Variants in MKX observed in about 807,000 individuals in gnomAD.
MKX encodes mohawk homeobox.
MKX carries 13 observed loss-of-function variants against 36.0 expected under a neutral mutation model. That is an observed-to-expected ratio of 0.36 (90% CI 0.24 to 0.57). MKX has a LOEUF of 0.57. MKX is among the 20% of genes least tolerant of loss of function. The probability of loss-of-function intolerance (pLI) is 0.79; values close to 1 mark genes in which losing one functional copy is unlikely to be tolerated. For synonymous variants in MKX, 176 were observed against 178.3 expected, an observed-to-expected ratio of 0.99 and a Z score of 0.10; for missense variants, 458 against 456.4, an observed-to-expected ratio of 1.00 and a Z score of -0.03.
chr10:27,727,865 C>T (rs1834525663), intron 5 of MKX, among the ~76,000 whole-genome samples: 1 of 152,178 alleles, frequency 6.6e-6, no homozygotes, highest in South Asian at 2.1e-4. Flanking sequence ...TAAAGTACCT[C>T]TCCAAAGCTG....
intron 5 of MKX, among the ~76,000 whole-genome samples, chr10:27,686,130 C>A (rs1248288467): frequency 6.6e-6 from 1 of 151,908 alleles, no homozygotes; most frequent in African/African-American, 2.4e-5. Context: ...TTATTAGAAG[C>A]CTGGATTTTG....
chr10:27,727,334 C>T (rs73604047), intron 5 of MKX, among the ~76,000 whole-genome samples: 2,437 of 152,290 alleles, frequency 0.016, 56 homozygotes, highest in African/African-American at 0.055. Context: ...GAAAGCCACC[C>T]CTGAAGGAGC....
At chr10:27,729,451 C>T (rs986965811) in intron 5 of MKX, among the ~76,000 whole-genome samples, 6 of 151,980 alleles carry the variant, frequency 3.9e-5, no homozygotes, top group Non-Finnish European at 7.4e-5. Context: ...ATCACAGGCG[C>T]GCTCCACCAT....
chr10:27,714,432 A>G (rs1422337229), intron 5 of MKX, among the ~76,000 whole-genome samples: 6 of 152,342 alleles, frequency 3.9e-5, no homozygotes, highest in Admixed American at 3.9e-4. Flanking sequence ...ACATTTTTTA[A>G]AATTAATTAT....
At position 27,687,737 on chromosome 10, in the gene MKX, G is replaced by A. The variant is rs1836384134; in HGVS notation, c.839-12183C>T. Among the ~76,000 whole-genome samples, 8 of 152,298 alleles carry A rather than the reference G, an allele frequency of 5.3e-5. No homozygotes were observed. In the South Asian group the frequency reaches 1.7e-3, roughly 32 times the overall value. On this transcript the variant is annotated intron_variant, in intron 5 of 6. Transcript: ENST00000419761. The stretch of plus-strand genomic sequence containing the variant: ...CCACTTTCCAAGATTGCTCCTCTGT[G>A]ATCTCAAAGGCTCCATCTTCCCCAA...
At chr10:27,730,813 C>G (rs1319818518) in intron 5 of MKX, among the ~76,000 whole-genome samples, 2 of 151,676 alleles carry the variant, frequency 1.3e-5, no homozygotes, top group Non-Finnish European at 2.9e-5. Flanking sequence ...GACAGCTACT[C>G]TAACAAAAAT....
At chr10:27,699,477 T>G (rs575716356) in intron 5 of MKX, among the ~76,000 whole-genome samples, 2 of 152,342 alleles carry the variant, frequency 1.3e-5, no homozygotes, top group South Asian at 2.1e-4. Flanking sequence ...CAAAGCTCCT[T>G]TCCTATGGAG....
chr10:27,691,353 T>C (rs1390984794), intron 5 of MKX, among the ~76,000 whole-genome samples: 1 of 152,144 alleles, frequency 6.6e-6, no homozygotes, highest in Non-Finnish European at 1.5e-5. Flanking sequence ...ATGAGAACTA[T>C]GGTGTGGGCC....
At chr10:27,714,333 T>TA (rs1395210404) in intron 5 of MKX, among the ~76,000 whole-genome samples, 5 of 152,206 alleles carry the variant, frequency 3.3e-5, no homozygotes, top group African/African-American at 4.8e-5. Context: ...TTTTAAAATT[T>TA]AAAAAAACCT....
chr10:27,717,137 G>A (rs1836980477), intron 5 of MKX, among the ~76,000 whole-genome samples: 1 of 152,080 alleles, frequency 6.6e-6, no homozygotes, highest in Non-Finnish European at 1.5e-5. Context: ...TAGCCACAGG[G>A]AAATGAGCTG....
intron 5 of MKX, among the ~76,000 whole-genome samples, chr10:27,689,166 G>A (rs1388194520): frequency 2.0e-5 from 3 of 152,124 alleles, no homozygotes; most frequent in Non-Finnish European, 4.4e-5. Context: ...GGAAATCTCC[G>A]TGTTAAACCT....
At chr10:27,693,313 T>C (rs903289588) in intron 5 of MKX, among the ~76,000 whole-genome samples, 1 of 152,138 alleles carries the variant, frequency 6.6e-6, no homozygotes, top group Non-Finnish European at 1.5e-5. Context: ...GGATCTATAC[T>C]ACAGAGTTAA....
At chr10:27,725,429 TTTA>T (rs1457077664) in intron 5 of MKX, among the ~76,000 whole-genome samples, 2 of 152,060 alleles carry the variant, frequency 1.3e-5, no homozygotes, top group Non-Finnish European at 2.9e-5. Context: ...AGTGAACACA[TTTA>T]TTATTATATT....
chr10:27,688,290 G>A (rs1368588556), intron 5 of MKX, among the ~76,000 whole-genome samples: 11 of 152,034 alleles, frequency 7.2e-5, no homozygotes, highest in Admixed American at 7.2e-4. Flanking sequence ...AGTGTTATTC[G>A]ATGATTTAAT....
intron 5 of MKX, among the ~76,000 whole-genome samples, chr10:27,709,557 G>C (rs1836817250): frequency 6.6e-6 from 1 of 152,204 alleles, no homozygotes; most frequent in Non-Finnish European, 1.5e-5. Flanking sequence ...CAAAACAAGG[G>C]TGAGCTGATC....
Position 27,674,945 on chromosome 10 carries a change from C to T in MKX, c.*284G>A. On this transcript the variant is annotated 3_prime_UTR_variant, in exon 7 of 7. Coordinates refer to ENST00000419761, the MANE Select transcript of MKX (RefSeq NM_173576.3). Reference sequence around the variant, plus strand: ...GAGGCATAGCTTGTTCAACTATGCCCACGTTGGAGCTTATTGTCGGGAAGC... The same window carrying T: ...GAGGCATAGCTTGTTCAACTATGCCTACGTTGGAGCTTATTGTCGGGAAGC... 3.6e-6 allele frequency: 1 copy of T among 276,716 alleles called. No homozygotes were observed. The highest frequency in any genetic ancestry group is 1.3e-3 in the Middle Eastern group (1 of 766). The allele number at this position is 276,716 out of a possible 1,614,324, so 17.1% of individuals were successfully genotyped here. A position where few individuals can be genotyped will look rare whatever the true frequency, so the allele number is the denominator to read the frequency against.
At position 27,675,401 on chromosome 10, in the gene MKX, T is replaced by C. The variant is rs138388051; in HGVS notation, c.887A>G (p.Lys296Arg). 6 of 1,614,200 alleles carry C rather than the reference T, an allele frequency of 3.7e-6. No individual in the cohort carries two copies. The highest frequency in any genetic ancestry group is 5.1e-6 in the Non-Finnish European group (6 of 1,180,042). Reference sequence around the variant, plus strand: ...ATACGTGTCATCCTTGCTTGGTCCTTTTCTGTTAGCTGCGCTGGAGTTAAG... The same window carrying C: ...ATACGTGTCATCCTTGCTTGGTCCTCTTCTGTTAGCTGCGCTGGAGTTAAG... ...SNKGESAANRKGPSKDDTYWK... is the reference protein window; with the variant it reads ...SNKGESAANRRGPSKDDTYWK... Residue 296 changes from lysine (K) to arginine (R), a missense_variant, in exon 7 of 7, where the codon AAA becomes AGA. Lys to Arg is a conservative substitution (Grantham distance 26). Transcript: ENST00000419761.
intron 5 of MKX, among the ~76,000 whole-genome samples, chr10:27,699,991 G>A (rs1208203990): frequency 6.6e-6 from 1 of 152,226 alleles, no homozygotes; most frequent in East Asian, 1.9e-4. Flanking sequence ...ATTATACAGA[G>A]CAGTCATCTG....
intron 5 of MKX, among the ~76,000 whole-genome samples, chr10:27,696,519 A>G (rs1208256870): frequency 1.3e-5 from 2 of 152,224 alleles, no homozygotes; most frequent in African/African-American, 4.8e-5. Context: ...TGTTATGTCT[A>G]TGATTGATGC....
Sources: gnomAD v4.1 joint callset for allele counts (sites outside exome capture counted in the v4.1 genomes callset) on GRCh38, gnomAD v4.1.1 for gene constraint, MANE v1.5 for transcripts, NCBI Gene and HGNC (gene_info 2026-07-23, HGNC 2026-07-21) for gene names.